CADM2: variants seen among roughly 807,000 people sequenced by gnomAD.
CADM2 encodes the protein immunoglobulin superfamily member 4D.
In CADM2, 12 loss-of-function variants were observed where a neutral mutation model predicts 49.8. That is an observed-to-expected ratio of 0.24 (90% CI 0.15 to 0.39). CADM2 has a LOEUF of 0.39. Among genes scored for constraint, CADM2 ranks in the 10% least tolerant of loss-of-function variants. CADM2 has a pLI of 1.00. For missense variants in CADM2, 378 were observed against 492.3 expected (o/e 0.77, Z 2.20); for synonymous variants, 214 against 175.4 (o/e 1.22, Z -1.74).
At chr3:85,348,901 G>C (rs1030020896) in intron 1 of CADM2, among the ~76,000 whole-genome samples, 1 of 151,776 alleles carries the variant, frequency 6.6e-6, no homozygotes, top group Non-Finnish European at 1.5e-5. Flanking sequence ...TTTTTCATAT[G>C]GTCTTGTTTT....
At chr3:86,021,955 T>C (rs1049941377) in intron 8 of CADM2, among the ~76,000 whole-genome samples, 4 of 152,146 alleles carry the variant, frequency 2.6e-5, no homozygotes, top group African/African-American at 9.7e-5. Context: ...ATGGGATTCA[T>C]GCTAAATGAG....
At chr3:85,133,055 C>T (rs111692511) in intron 1 of CADM2, among the ~76,000 whole-genome samples, 2 of 152,096 alleles carry the variant, frequency 1.3e-5, no homozygotes, top group Admixed American at 6.6e-5. Context: ...GCTCTTAAGG[C>T]GGCGAGTCTA....
intron 8 of CADM2, among the ~76,000 whole-genome samples, chr3:86,043,919 C>T (rs145906191): frequency 0.021 from 3,129 of 152,176 alleles, 88 homozygotes; most frequent in African/African-American, 0.062. Context: ...TATCTACAAC[C>T]ATCTGATCTT....
intron 1 of CADM2, among the ~76,000 whole-genome samples, chr3:85,245,304 A>T (rs2042620976): frequency 6.6e-6 from 1 of 152,112 alleles, no homozygotes; most frequent in Admixed American, 6.5e-5. Flanking sequence ...CGAGGTCAGG[A>T]GATCGAGACC....
At chr3:85,477,298 G>C (rs1219169575) in intron 1 of CADM2, among the ~76,000 whole-genome samples, 2 of 148,218 alleles carry the variant, frequency 1.3e-5, no homozygotes, top group East Asian at 4.0e-4. Flanking sequence ...GTTATTTATA[G>C]AAAATCTTCT....
chr3:85,577,469 A>T (rs1329098445), intron 1 of CADM2, among the ~76,000 whole-genome samples: 1 of 152,096 alleles, frequency 6.6e-6, no homozygotes, highest in Non-Finnish European at 1.5e-5. Context: ...TCTGCCATGC[A>T]GCAAGAAGGC....
chr3:85,291,203 A>G (rs1380404446), intron 1 of CADM2, among the ~76,000 whole-genome samples: 1 of 152,114 alleles, frequency 6.6e-6, no homozygotes, highest in Non-Finnish European at 1.5e-5. Flanking sequence ...GGAAGATGAA[A>G]TGAATGAAAT....
intron 1 of CADM2, among the ~76,000 whole-genome samples, chr3:85,158,905 A>C (rs968222501): frequency 6.6e-6 from 1 of 152,132 alleles, no homozygotes; most frequent in South Asian, 2.1e-4. Context: ...CATTTATTTT[A>C]GTGATTTATT....
At chr3:85,897,293 C>T (rs13316787) in intron 5 of CADM2, among the ~76,000 whole-genome samples, 4,283 of 99,700 alleles carry the variant, frequency 0.043, 300 homozygotes, top group African/African-American at 0.15. Context: ...GACGGAGTCT[C>T]GCTCTGTCGC....
At chr3:85,771,516 T>C (rs2070084837) in intron 2 of CADM2, among the ~76,000 whole-genome samples, 1 of 152,096 alleles carries the variant, frequency 6.6e-6, no homozygotes, top group Non-Finnish European at 1.5e-5. Flanking sequence ...ATACTTAATA[T>C]TTTGAAATTA....
At chr3:85,045,658 T>C (rs902896980) in intron 1 of CADM2, among the ~76,000 whole-genome samples, 4 of 149,226 alleles carry the variant, frequency 2.7e-5, no homozygotes, top group African/African-American at 4.9e-5. Context: ...CCTTTTTTTT[T>C]GCTATGAATG....
chr3:84,990,886 T>C (rs9815258), intron 1 of CADM2, among the ~76,000 whole-genome samples: 1 of 151,912 alleles, frequency 6.6e-6, no homozygotes, highest in Non-Finnish European at 1.5e-5. Context: ...TAACATCATA[T>C]TGATTAGGTA....
At chr3:85,322,028 C>T (rs1457775834) in intron 1 of CADM2, among the ~76,000 whole-genome samples, 1 of 152,062 alleles carries the variant, frequency 6.6e-6, no homozygotes, top group African/African-American at 2.4e-5. Context: ...AGGCAAAACA[C>T]CAAACATTTT....
chr3:85,697,938 G>A (rs58770926), intron 1 of CADM2, among the ~76,000 whole-genome samples: 1,799 of 152,270 alleles, frequency 0.012, 43 homozygotes, highest in African/African-American at 0.042. Flanking sequence ...AAATAAGGAA[G>A]CATTGGAGAG....
At chr3:85,369,064 G>A (rs1019657584) in intron 1 of CADM2, among the ~76,000 whole-genome samples, 1 of 152,044 alleles carries the variant, frequency 6.6e-6, no homozygotes, top group Non-Finnish European at 1.5e-5. Context: ...CTTCTAAAAC[G>A]TTTACTGGTA....
chr3:85,592,868 C>T (rs1325855171), intron 1 of CADM2, among the ~76,000 whole-genome samples: 2 of 151,836 alleles, frequency 1.3e-5, no homozygotes, highest in South Asian at 2.1e-4. Flanking sequence ...TCCCAACCTC[C>T]GACAGGCCCC....
intron 1 of CADM2, among the ~76,000 whole-genome samples, chr3:85,284,285 T>C (rs1409506727): frequency 6.6e-6 from 1 of 152,138 alleles, no homozygotes; most frequent in African/African-American, 2.4e-5. Flanking sequence ...AAATAGTTAT[T>C]TCTTCAATAC....
chr3:84,985,013 A>G (rs369821860), intron 1 of CADM2, among the ~76,000 whole-genome samples: 1 of 152,196 alleles, frequency 6.6e-6, no homozygotes, highest in Non-Finnish European at 1.5e-5. Context: ...AGACAGCAGT[A>G]GAAGAAAACA....
chr3:85,104,001 A>G (rs925213003), intron 1 of CADM2, among the ~76,000 whole-genome samples: 1 of 152,148 alleles, frequency 6.6e-6, no homozygotes, highest in African/African-American at 2.4e-5. Context: ...GTAAAAGAAT[A>G]ATTAGAAAGC....
Sources: allele counts gnomAD v4.1 joint callset (sites outside exome capture counted in the v4.1 genomes callset), GRCh38; gene constraint gnomAD v4.1.1; transcripts MANE v1.5; gene names NCBI Gene and HGNC (gene_info 2026-07-23, HGNC 2026-07-21).